Variants in TGM3 observed in about 807,000 individuals in gnomAD.
TGM3 encodes the protein protein-glutamine gamma-glutamyltransferase E.
Under a neutral mutation model 73.8 loss-of-function variants are expected in TGM3, and 52 were observed. The ratio of observed to expected loss-of-function variants is 0.70; its 90% CI spans 0.56 to 0.89. TGM3 has a LOEUF of 0.89. TGM3 is among the 40% of genes least tolerant of loss of function. The pLI, the probability that TGM3 is intolerant of heterozygous loss-of-function variation, is 0.00. For missense variants in TGM3, 928 were observed against 909.9 expected, an observed-to-expected ratio of 1.02 and a Z score of -0.26; for synonymous variants, 372 against 354.9, an observed-to-expected ratio of 1.05 and a Z score of -0.54.
rs1181384834 is a variant in TGM3, at chr20:2,328,857, G to A, written c.1333+492G>A. Among the ~76,000 whole-genome samples the A allele has an allele frequency of 3.3e-5, 5 of 152,234 alleles. No homozygotes were observed. The highest frequency in any genetic ancestry group is 2.6e-4 in the Admixed American group (4 of 15,290). Reference sequence around the variant, plus strand: ...CATTTGGAGGTCTCCCAAGAAGCCAGATGAGGTGTGATTACATGGTGTGAA... The same window carrying A: ...CATTTGGAGGTCTCCCAAGAAGCCAAATGAGGTGTGATTACATGGTGTGAA... On this transcript the variant is annotated intron_variant, in intron 9 of 12. Transcript: ENST00000381458. The surrounding 1 kb of genome is among the most constrained non-coding windows in gnomAD (Gnocchi z 5.2).
chr20:2,317,943 CATATAT>C (rs61329150), intron 7 of TGM3, among the ~76,000 whole-genome samples: 15 of 36,226 alleles, frequency 4.1e-4, no homozygotes, highest in African/African-American at 7.1e-4. Context: ...ATATATATAT[CATATAT>C]ATATATATAT....
In TGM3 at chr20:2,296,068, C is replaced by G. The variant is rs2084104645; in HGVS notation, c.5C>G (p.Ala2Gly). Residue 2 changes from alanine to glycine, a missense_variant and splice_region_variant, in exon 1 of 13, where the codon GCT becomes GGT. Coordinates refer to ENST00000381458, the MANE Select transcript of TGM3 (RefSeq NM_003245.4). MAALGVQSINWQ... is the reference protein window; with the variant it reads MGALGVQSINWQ... ...AGAGGCAGAGGAAGGCGAAACATGG[C>G]TGGTGAGTGCATGGCATCTTCTCCA... 7 of 1,550,928 alleles carry G rather than the reference C, an allele frequency of 4.5e-6. No homozygotes were observed. Among genetic ancestry groups the G allele is most frequent in the African/African-American group, 1.4e-5 (1 of 73,048 alleles).
At chr20:2,326,009 G>T in intron 8 of TGM3, 57 bp downstream of exon 8, 4 of 1,516,898 alleles carry the variant, frequency 2.6e-6, no homozygotes, top group Non-Finnish European at 2.7e-6. Context: ...TACAGCCATG[G>T]ACAGCAGCAT....
At chr20:2,329,649 G>C (rs1010282304) in intron 9 of TGM3, among the ~76,000 whole-genome samples, 1 of 152,044 alleles carries the variant, frequency 6.6e-6, no homozygotes, top group Non-Finnish European at 1.5e-5. Flanking sequence ...AGGGGGTCAG[G>C]GAGCAAAAAC....
intron 1 of TGM3, among the ~76,000 whole-genome samples, chr20:2,302,620 T>C (rs768801682): frequency 1.4e-5 from 2 of 145,850 alleles, no homozygotes; most frequent in Non-Finnish European, 3.0e-5. Flanking sequence ...TAGAGGCTTG[T>C]CCCTGTCACA....
At chr20:2,312,840 T>A in intron 4 of TGM3, 58 bp from the exon 5 acceptor site, 1 of 1,606,698 alleles carries the variant, frequency 6.2e-7, no homozygotes, top group Non-Finnish European at 8.5e-7. Context: ...AGTTCCCTTC[T>A]TGAGCCAACT....
chr20:2,302,011 A>G (rs2084150890), intron 1 of TGM3, among the ~76,000 whole-genome samples: 1 of 152,114 alleles, frequency 6.6e-6, no homozygotes, highest in Non-Finnish European at 1.5e-5. Flanking sequence ...ACTTTTTAGC[A>G]TTTCTGTCAG....
rs745870809 is a variant in TGM3, at chr20:2,328,178, G to C, written c.1146G>C (p.Leu382=). ...GTGTTCGAGAGGGTGATGTGCAGCT[G>C]AACTTCGACATGCCCTTTATCTTCG... ...VIGVREGDVQ[L]NFDMPFIFAE... The change falls in exon 9 of 13, where the codon CTG becomes CTC. Residue 382 remains leucine (L), a synonymous_variant. Coordinates refer to ENST00000381458, the MANE Select transcript of TGM3 (RefSeq NM_003245.4). The surrounding 1 kb of genome is among the most constrained non-coding windows in gnomAD (Gnocchi z 5.2). 1.2e-5 allele frequency: 20 copies of C among 1,614,052 alleles called. No individual in the cohort carries two copies. In the Admixed American group the frequency reaches 3.3e-4, roughly 27 times the overall value.
chr20:2,317,049 G>A lies in TGM3; in HGVS notation c.670-19G>A. ...AGGCATTAGTGCTGACTCATTTTGGGGGGGTGGTTTCTGCCCAGATCAATA... is the reference window on the plus strand; with the variant it reads ...AGGCATTAGTGCTGACTCATTTTGGAGGGGTGGTTTCTGCCCAGATCAATA... On this transcript the variant is annotated intron_variant, in intron 5 of 12. Coordinates refer to ENST00000381458, the MANE Select transcript of TGM3 (RefSeq NM_003245.4). The A allele has an allele frequency of 6.2e-7, 1 of 1,611,476 alleles. No individual in the cohort carries two copies. Among genetic ancestry groups the A allele is most frequent in the Non-Finnish European group, 8.5e-7 (1 of 1,178,448 alleles).
At chr20:2,310,134 G>C (rs542450950) in intron 2 of TGM3, 44 bp from the exon 3 acceptor site, 3 of 1,610,668 alleles carry the variant, frequency 1.9e-6, no homozygotes, top group Non-Finnish European at 2.5e-6. Context: ...TCCACAGTCT[G>C]ACCAGTGCTT....
chr20:2,340,302 C>A, intron 12 of TGM3, 132 bp from the exon 13 acceptor site: 1 of 1,358,698 alleles, frequency 7.4e-7, no homozygotes, highest in Non-Finnish European at 1.0e-6. Context: ...CCCAGAGAGA[C>A]AGCTAGAGGG....
intron 1 of TGM3, among the ~76,000 whole-genome samples, chr20:2,299,184 T>C (rs931516446): frequency 3.3e-5 from 5 of 152,162 alleles, no homozygotes; most frequent in Non-Finnish European, 7.3e-5. Flanking sequence ...AATGGGGTTA[T>C]TGCAGTATCC....
chr20:2,340,407 A>T (rs768399705), intron 12 of TGM3, 27 bp from the exon 13 acceptor site: 3 of 1,613,538 alleles, frequency 1.9e-6, no homozygotes, highest in African/African-American at 2.7e-5. Context: ...GTCTCGTATC[A>T]ACACTGATCT....
intron 1 of TGM3, among the ~76,000 whole-genome samples, chr20:2,303,683 C>A (rs1009348340): frequency 6.6e-6 from 1 of 152,048 alleles, no homozygotes; most frequent in African/African-American, 2.4e-5. Flanking sequence ...AAAGTAGTGC[C>A]TGCACATATG....
Position 2,328,306 on chromosome 20 carries a change from C to G in TGM3, c.1274C>G (p.Thr425Ser). 6.2e-7 allele frequency: 1 copy of G among 1,614,128 alleles called. No homozygotes were observed. ...NSHTIGRYIS[T>S]KAVGSNARMD... ...CACACCATTGGCAGGTACATCAGCA[C>G]CAAGGCGGTGGGCAGCAATGCTCGC... Residue 425 changes from threonine to serine, a missense_variant, in exon 9 of 13, where the codon ACC becomes AGC. Physicochemically the swap from Thr to Ser is moderately conservative, Grantham distance 58. Coordinates refer to ENST00000381458, the MANE Select transcript of TGM3 (RefSeq NM_003245.4). The surrounding 1 kb of genome is among the most constrained non-coding windows in gnomAD (Gnocchi z 5.2).
intron 8 of TGM3, among the ~76,000 whole-genome samples, chr20:2,326,984 C>T (rs996602191): frequency 6.6e-6 from 1 of 152,154 alleles, no homozygotes; most frequent in African/African-American, 2.4e-5. Context: ...AATCAGTGCA[C>T]GTTACTAGAT....
chr20:2,326,478 T>A (rs1378130828), intron 8 of TGM3, among the ~76,000 whole-genome samples: 1 of 152,248 alleles, frequency 6.6e-6, no homozygotes, highest in Non-Finnish European at 1.5e-5. Context: ...CTGGAGCCTT[T>A]CCTCTTCCCT....
chr20:2,301,846 A>G (rs1038154648), intron 1 of TGM3, among the ~76,000 whole-genome samples: 2 of 152,134 alleles, frequency 1.3e-5, no homozygotes, highest in African/African-American at 4.8e-5. Flanking sequence ...AACTACAGGC[A>G]TGTGTCACCA....
chr20:2,335,330 C>T, intron 11 of TGM3, 57 bp downstream of exon 11: 1 of 1,602,154 alleles, frequency 6.2e-7, no homozygotes, highest in Non-Finnish European at 8.5e-7. Context: ...GCCCAGCTCC[C>T]AGGAGCCCCA....
Sources: gnomAD v4.1 joint callset for allele counts (sites outside exome capture counted in the v4.1 genomes callset) on GRCh38, gnomAD v4.1.1 for gene constraint, Gnocchi (gnomAD v3.1) non-coding constraint, MANE v1.5 for transcripts, NCBI Gene and HGNC (gene_info 2026-07-23, HGNC 2026-07-21) for gene names.